Variants in GRIP1 observed in about 807,000 individuals in gnomAD.
The protein encoded by GRIP1 is glutamate receptor-interacting protein 1.
Under a neutral mutation model 129.9 loss-of-function variants are expected in GRIP1, and 45 were observed. The observed-to-expected ratio is 0.35, with a 90% confidence interval of 0.27 to 0.44. The LOEUF is 0.44. GRIP1 is among the 20% of genes least tolerant of loss of function. The pLI, the probability that GRIP1 is intolerant of heterozygous loss-of-function variation, is 1.00. For missense variants in GRIP1, 1,196 were observed against 1,396.8 expected (o/e 0.86, Z 2.29); for synonymous variants, 530 against 520.8 (o/e 1.02, Z -0.24).
intron 1 of GRIP1, among the ~76,000 whole-genome samples, chr12:66,717,956 C>G (rs2035944144): frequency 6.6e-6 from 1 of 152,022 alleles, no homozygotes; most frequent in South Asian, 2.1e-4. Flanking sequence ...CTGGGTGTGC[C>G]AGGAAAGATG....
At chr12:66,554,730 T>C (rs901540525) in intron 2 of GRIP1, among the ~76,000 whole-genome samples, 4 of 152,102 alleles carry the variant, frequency 2.6e-5, no homozygotes, top group Non-Finnish European at 4.4e-5. Flanking sequence ...CCATGGACCT[T>C]AAGTGAACAT....
chr12:66,714,698 T>C (rs2035815266), intron 1 of GRIP1, among the ~76,000 whole-genome samples: 1 of 152,058 alleles, frequency 6.6e-6, no homozygotes, highest in African/African-American at 2.4e-5. Flanking sequence ...CATTGTCTTA[T>C]TTGATGAGTA....
intron 1 of GRIP1, among the ~76,000 whole-genome samples, chr12:66,800,995 C>G (rs1307282345): frequency 2.0e-5 from 3 of 152,096 alleles, no homozygotes; most frequent in African/African-American, 7.2e-5. Context: ...CCCCACTGAG[C>G]ATTCCTGTCA....
chr12:67,044,422 A>C (rs759808036), intron 1 of GRIP1, among the ~76,000 whole-genome samples: 1 of 152,212 alleles, frequency 6.6e-6, no homozygotes, highest in Non-Finnish European at 1.5e-5. Context: ...AACTACTCAA[A>C]CATTTTCTTG....
At chr12:66,929,702 C>G (rs1310607387) in intron 1 of GRIP1, among the ~76,000 whole-genome samples, 3 of 152,158 alleles carry the variant, frequency 2.0e-5, no homozygotes, top group Non-Finnish European at 2.9e-5. Flanking sequence ...TACCAAGAAG[C>G]CTCCTCTACA....
chr12:67,019,217 G>A (rs116047397), intron 1 of GRIP1, among the ~76,000 whole-genome samples: 4 of 152,244 alleles, frequency 2.6e-5, no homozygotes, highest in South Asian at 4.1e-4. Flanking sequence ...CAATACACAC[G>A]CACGAATATG....
chr12:66,526,792 C>T (rs556390565), intron 5 of GRIP1, among the ~76,000 whole-genome samples: 10 of 152,048 alleles, frequency 6.6e-5, no homozygotes, highest in African/African-American at 2.2e-4. Flanking sequence ...TGACAAAGAG[C>T]TAATATCCAG....
rs1809531054 is a variant in GRIP1, at chr12:66,940,270, T to C, written c.58+128780A>G. ...TATTAAATTTGGGATCTTGGGCAAGTCAATCCACTTCTTAGAACTTCAATC... is the reference window on the plus strand; with the variant it reads ...TATTAAATTTGGGATCTTGGGCAAGCCAATCCACTTCTTAGAACTTCAATC... On this transcript the variant is annotated intron_variant, in intron 1 of 1. Coordinates refer to the GRIP1 transcript ENST00000643019. 2.0e-5 allele frequency among the ~76,000 whole-genome samples: 3 copies of C among 152,240 alleles called. No individual in the cohort carries two copies. In the South Asian group the frequency reaches 6.2e-4, roughly 32 times the overall value.
chr12:66,840,697 C>A (rs1258636615), intron 1 of GRIP1, among the ~76,000 whole-genome samples: 1 of 152,186 alleles, frequency 6.6e-6, no homozygotes, highest in African/African-American at 2.4e-5. Flanking sequence ...CTACTGAACT[C>A]CTACTGTGTG....
intron 7 of GRIP1, among the ~76,000 whole-genome samples, chr12:66,512,017 G>A (rs2060713959): frequency 6.6e-6 from 1 of 152,022 alleles, no homozygotes; most frequent in African/African-American, 2.4e-5. Flanking sequence ...AAGATCTGAT[G>A]GTTTAAAAGT....
chr12:66,960,404 A>G lies in GRIP1; in HGVS notation c.58+108646T>C, dbSNP rs571411089. ...GACACATGGAGTGAAGGAGACAGGT[A>G]GATGGAGGTGCCTTATTAAGACATA... On this transcript the variant is annotated intron_variant, in intron 1 of 1. Transcript: ENST00000643019. 8.5e-5 allele frequency among the ~76,000 whole-genome samples: 13 copies of G among 152,300 alleles called. No individual in the cohort carries two copies. In the South Asian group the frequency reaches 2.1e-3, roughly 24 times the overall value.
chr12:66,958,685 A>G (rs1332099551), intron 1 of GRIP1, among the ~76,000 whole-genome samples: 1 of 152,222 alleles, frequency 6.6e-6, no homozygotes, highest in Non-Finnish European at 1.5e-5. Context: ...CACTGTGTGG[A>G]TAAACTGTAA....
intron 9 of GRIP1, among the ~76,000 whole-genome samples, chr12:66,459,685 TAA>T (rs772955015): frequency 1.2e-3 from 176 of 152,196 alleles, no homozygotes; most frequent in Non-Finnish European, 2.2e-3. Context: ...ATAAAATAAT[TAA>T]GAGACAAAAA....
chr12:66,448,924 C>G (rs2058702308), intron 11 of GRIP1, among the ~76,000 whole-genome samples: 1 of 152,068 alleles, frequency 6.6e-6, no homozygotes, highest in Non-Finnish European at 1.5e-5. Flanking sequence ...CACATAGGAC[C>G]CTTCATCAGT....
rs199863669 is a variant in GRIP1 at position 66,841,060 on chromosome 12, G to GT, written c.58+227989dup. ...ATATACTTCCATTAAAAAATTATTT[G>GT]TTTTTTCTGAAATTCAAATTTAACT... On this transcript the variant is annotated intron_variant, in intron 1 of 1. Transcript: ENST00000643019. Among the ~76,000 whole-genome samples the GT allele has an allele frequency of 1.3e-3, 201 of 152,192 alleles. 2 individuals are homozygous for GT. In the East Asian group the frequency reaches 0.025, roughly 19 times the overall value.
At chr12:66,997,664 T>C (rs2042489201) in intron 1 of GRIP1, among the ~76,000 whole-genome samples, 2 of 152,092 alleles carry the variant, frequency 1.3e-5, no homozygotes, top group Non-Finnish European at 2.9e-5. Flanking sequence ...ATAATGGATA[T>C]TGTTGACGCA....
intron 16 of GRIP1, among the ~76,000 whole-genome samples, chr12:66,404,542 C>T (rs2057121028): frequency 6.6e-6 from 1 of 152,170 alleles, no homozygotes; most frequent in Admixed American, 6.6e-5. Flanking sequence ...TGGGCTTCTG[C>T]TCCTGCTCCT....
chr12:66,471,257 T>C (rs1448695365), intron 7 of GRIP1, among the ~76,000 whole-genome samples: 5 of 152,070 alleles, frequency 3.3e-5, no homozygotes, highest in Non-Finnish European at 7.4e-5. Context: ...CCAGGAAGAG[T>C]CTACAAATGC....
chr12:66,965,101 G>C (rs944288940), intron 1 of GRIP1, among the ~76,000 whole-genome samples: 3 of 152,016 alleles, frequency 2.0e-5, no homozygotes, highest in African/African-American at 7.2e-5. Context: ...GGGAGCAGGG[G>C]CAGGGGGCAC....
Sources: gnomAD v4.1 joint callset for allele counts (sites outside exome capture counted in the v4.1 genomes callset) on GRCh38, gnomAD v4.1.1 for gene constraint, MANE v1.5 for transcripts, NCBI Gene and HGNC (gene_info 2026-07-23, HGNC 2026-07-21) for gene names.